GAK: variants seen among roughly 807,000 people sequenced by gnomAD.
GAK encodes cyclin-G-associated kinase.
In GAK, 79 loss-of-function variants were observed where a neutral mutation model predicts 143.9. That is an observed-to-expected ratio of 0.55 (90% CI 0.46 to 0.66). The LOEUF (loss-of-function observed/expected upper bound fraction) is 0.66. Ranked by LOEUF, GAK falls within the 30% of genes least tolerant of loss-of-function variation. The pLI is 0.00. For synonymous variants in GAK, 881 were observed against 765.5 expected (o/e 1.15, Z -2.49); for missense variants, 1,693 against 1,779.7 (o/e 0.95, Z 0.88).
In GAK at chr4:881,978, G is replaced by A. The variant is rs947871206; in HGVS notation, c.1590C>T (p.Ser530=). 8 of 1,604,222 alleles carry A rather than the reference G, an allele frequency of 5.0e-6. No individual in the cohort carries two copies. The highest frequency in any genetic ancestry group is 6.8e-6 in the Non-Finnish European group (8 of 1,175,716). ...ACATGTACACGGCGGCCTCCGCGGT[G>A]CTGAAGAGACGGCAGAAGCACAGGA... ...CSFLCFCRLF[S]TAEAAVYMFS... is the part of the protein sequence containing the mutation. The change falls in exon 15 of 28, where the codon AGC becomes AGT. Residue 530 remains serine (S), a synonymous_variant. Transcript: ENST00000314167.
At chr4:891,758 G>C (rs1043070775) in intron 9 of GAK, among the ~76,000 whole-genome samples, 6 of 152,144 alleles carry the variant, frequency 3.9e-5, no homozygotes, top group Non-Finnish European at 7.4e-5. Context: ...GAGTGGGCAG[G>C]CATTTTCTGT....
At chr4:889,079 C>A (rs560612361) in intron 10 of GAK, 109 bp from the exon 11 acceptor site, 1 of 1,321,178 alleles carries the variant, frequency 7.6e-7, no homozygotes, top group Non-Finnish European at 1.0e-6. Context: ...CCTCCCCAGG[C>A]GCTCGGTCCC....
At chr4:864,983 G>A in intron 23 of GAK, 139 bp downstream of exon 23, 1 of 1,192,340 alleles carries the variant, frequency 8.4e-7, no homozygotes, top group Non-Finnish European at 1.1e-6. Flanking sequence ...TGTGTGCGGA[G>A]CCCGCACCAC....
chr4:910,480 T>G (rs972045638), intron 4 of GAK, among the ~76,000 whole-genome samples: 14 of 150,018 alleles, frequency 9.3e-5, no homozygotes, highest in African/African-American at 3.2e-4. Flanking sequence ...CCCCCTCAGC[T>G]CAGAACCCCC....
At chr4:880,467 C>T (rs185719593) in intron 15 of GAK, among the ~76,000 whole-genome samples, 82 of 152,340 alleles carry the variant, frequency 5.4e-4, no homozygotes, top group African/African-American at 1.8e-3. Context: ...GTCTGGGCCT[C>T]CCTTATAGTA....
At chr4:875,684 A>G (rs1164949001) in intron 18 of GAK, among the ~76,000 whole-genome samples, 2 of 152,224 alleles carry the variant, frequency 1.3e-5, no homozygotes, top group African/African-American at 4.8e-5. Flanking sequence ...ATTGAGTAGA[A>G]AGATCTCCAG....
chr4:850,043 T>C lies in GAK; in HGVS notation c.3683A>G (p.Glu1228Gly), dbSNP rs1747836697. ...LKLLDWIEGK[E>G]RNIRALLSTL... ...GGACAGCAGGGCCCGGATGTTCCGC[T>C]CCTTGCCCTCAATCCAGTCCAGGAG... Residue 1228 changes from glutamate (E) to glycine (G), a missense_variant, in exon 27 of 28, where the codon GAG (glutamate) becomes GGG (glycine). Transcript: ENST00000314167. 2.5e-6 allele frequency: 4 copies of C among 1,593,842 alleles called. No individual in the cohort carries two copies. The highest frequency in any genetic ancestry group is 3.4e-6 in the Non-Finnish European group (4 of 1,166,984).
Position 884,018 on chromosome 4 carries a change from C to A in GAK, c.1255+19G>T, listed in dbSNP as rs759081828. 6.2e-7 allele frequency: 1 copy of A among 1,611,114 alleles called. No individual in the cohort carries two copies. Among genetic ancestry groups the A allele is most frequent in the East Asian group, 2.2e-5 (1 of 44,864 alleles). On this transcript the variant is annotated intron_variant, in intron 12 of 27. Transcript: ENST00000314167. Reference sequence around the variant, plus strand: ...GGAAGGGCCGGGGCGCGTCCCACAGCCTCATGTGGCACGCATACCTGCAAT... The same window carrying A: ...GGAAGGGCCGGGGCGCGTCCCACAGACTCATGTGGCACGCATACCTGCAAT...
chr4:918,889 GCGCCC>G (rs1560437598), intron 1 of GAK, among the ~76,000 whole-genome samples: 19 of 135,234 alleles, frequency 1.4e-4, no homozygotes, highest in African/African-American at 4.6e-4. Context: ...AAAGGCCTCA[GCGCCC>G]CATGACCTTA....
intron 5 of GAK, among the ~76,000 whole-genome samples, chr4:904,051 C>T (rs1185540896): frequency 1.3e-5 from 2 of 152,290 alleles, no homozygotes; most frequent in Admixed American, 6.5e-5. Context: ...TGTAGCCTCA[C>T]CTGCTCTCAC....
chr4:850,875 T>C, intron 26 of GAK, 61 bp downstream of exon 26: 1 of 1,554,352 alleles, frequency 6.4e-7, no homozygotes, highest in Non-Finnish European at 8.7e-7. Flanking sequence ...GCACAGCAGA[T>C]GCTCCAGGGG....
intron 23 of GAK, among the ~76,000 whole-genome samples, chr4:864,845 G>T (rs1750872459): frequency 6.6e-6 from 1 of 152,230 alleles, no homozygotes; most frequent in Non-Finnish European, 1.5e-5. Context: ...CCTGCCGGGT[G>T]GGAGGAGGAC....
chr4:883,937 G>A (rs1321760258), intron 12 of GAK, 100 bp downstream of exon 12: 5 of 1,182,338 alleles, frequency 4.2e-6, no homozygotes, highest in Non-Finnish European at 6.1e-6. Flanking sequence ...CACAGAGAAG[G>A]CTGGAGCAGA....
rs1711523885 is a variant in GAK at position 868,395 on chromosome 4, T to A, written c.2395+144A>T. 4 of 691,594 alleles carry A rather than the reference T, an allele frequency of 5.8e-6. No homozygotes were observed. The Admixed American group carries it at 1.2e-4, about 20-fold the overall frequency. 42.8% of individuals were successfully genotyped at this position (691,594 alleles called of 1,614,324 possible). A position where few individuals can be genotyped will look rare whatever the true frequency, so the allele number is the denominator to read the frequency against. The stretch of plus-strand genomic sequence containing the variant: ...GCTCGTGAGCCATTAAAGAACAGGC[T>A]GACATGCCGGGTGCACAGCCCCACT... On this transcript the variant is annotated intron_variant, in intron 20 of 27. Transcript: ENST00000314167.
chr4:855,209 G>A (rs1002929784), intron 24 of GAK, among the ~76,000 whole-genome samples: 9 of 152,126 alleles, frequency 5.9e-5, no homozygotes, highest in Non-Finnish European at 1.0e-4. Flanking sequence ...CCTCCAGGCC[G>A]TGAGTGCAGC....
intron 5 of GAK, among the ~76,000 whole-genome samples, chr4:902,623 A>T (rs1720146991): frequency 2.0e-5 from 3 of 151,574 alleles, no homozygotes; most frequent in Non-Finnish European, 4.4e-5. Context: ...AACCCCAAAA[A>T]ACCTCTTCAG....
intron 18 of GAK, among the ~76,000 whole-genome samples, chr4:874,788 C>T (rs1052676222): frequency 1.4e-4 from 22 of 152,084 alleles, no homozygotes; most frequent in African/African-American, 5.3e-4. Context: ...TTCTGTTCCA[C>T]TCTCTCTCTT....
rs777287445 is a variant in GAK at position 850,032 on chromosome 4, G to A, written c.3694C>T (p.Arg1232Trp). 6.2e-6 allele frequency: 10 copies of A among 1,600,842 alleles called. No individual in the cohort carries two copies. The highest frequency in any genetic ancestry group is 7.7e-6 in the Non-Finnish European group (9 of 1,172,072). ...GTGTGCAGCGTGGACAGCAGGGCCC[G>A]GATGTTCCGCTCCTTGCCCTCAATC... ...DWIEGKERNI[R>W]ALLSTLHTVL... The change falls in exon 27 of 28, where the codon CGG becomes TGG. Residue 1232 changes from arginine to tryptophan, a missense_variant. This residue lies in a region of GAK where 822 missense variants were observed against 788.7 expected (regional missense o/e 1.04). Coordinates refer to ENST00000314167, the MANE Select transcript of GAK (RefSeq NM_005255.4).
chr4:876,720 G>T (rs1287992862), intron 17 of GAK, 111 bp from the exon 18 acceptor site: 13 of 888,864 alleles, frequency 1.5e-5, no homozygotes, highest in Non-Finnish European at 2.2e-5. Flanking sequence ...TGGTGCTGGA[G>T]GCATGGACGG....
Sources: allele counts gnomAD v4.1 joint callset (sites outside exome capture counted in the v4.1 genomes callset), GRCh38; gene constraint gnomAD v4.1.1; regional missense constraint gnomAD v4.1.1; transcripts MANE v1.5; gene names NCBI Gene and HGNC (gene_info 2026-07-23, HGNC 2026-07-21).